Variants in TNPO1 observed in about 807,000 individuals in gnomAD.
The protein encoded by TNPO1 is transportin-1.
In TNPO1, 8 loss-of-function variants were observed where a neutral mutation model predicts 119.5. The ratio of observed to expected loss-of-function variants is 0.07; its 90% confidence interval spans 0.04 to 0.12. TNPO1 has a LOEUF of 0.12. TNPO1 is among the 10% of genes least tolerant of loss of function. The pLI is 1.00. For synonymous variants in TNPO1, 362 were observed against 363.0 expected (o/e 1.00, Z 0.03); for missense variants, 576 against 1,089.8 (o/e 0.53, Z 6.64).
intron 1 of TNPO1, among the ~76,000 whole-genome samples, chr5:72,840,695 T>C (rs1169839907): frequency 1.3e-5 from 2 of 152,070 alleles, no homozygotes; most frequent in African/African-American, 4.8e-5. Context: ...TACCACACTC[T>C]TTTTTTTAAT....
chr5:72,876,771 G>A (rs969993574), intron 8 of TNPO1, among the ~76,000 whole-genome samples: 4 of 152,068 alleles, frequency 2.6e-5, no homozygotes, highest in Non-Finnish European at 5.9e-5. Context: ...AAATTTAACT[G>A]TATTTTATAG....
At chr5:72,865,495 C>A in intron 5 of TNPO1, 101 bp from the exon 6 acceptor site, 1 of 1,305,932 alleles carries the variant, frequency 7.7e-7, no homozygotes, top group Non-Finnish European at 1.1e-6. Context: ...TTTATGTGGG[C>A]TGAGAACATT....
chr5:72,837,795 C>G (rs1037620977), intron 1 of TNPO1, among the ~76,000 whole-genome samples: 1 of 152,124 alleles, frequency 6.6e-6, no homozygotes, highest in African/African-American at 2.4e-5. Flanking sequence ...TCATCAACGC[C>G]ATTTCACAGA....
At chr5:72,859,337 C>A (rs1296847413) in intron 4 of TNPO1, among the ~76,000 whole-genome samples, 1 of 152,186 alleles carries the variant, frequency 6.6e-6, no homozygotes, top group African/African-American at 2.4e-5. Flanking sequence ...CAGCCACATA[C>A]CCTGCTGTAG....
intron 4 of TNPO1, among the ~76,000 whole-genome samples, chr5:72,859,025 T>C (rs1367845023): frequency 5.2e-5 from 3 of 58,106 alleles, no homozygotes; most frequent in South Asian, 4.6e-4. Flanking sequence ...AAAACACTTC[T>C]AGGAACATAT....
chr5:72,842,503 A>G (rs542737456), intron 1 of TNPO1, among the ~76,000 whole-genome samples: 55 of 152,336 alleles, frequency 3.6e-4, no homozygotes, highest in Admixed American at 1.6e-3. Context: ...AGCTATCACT[A>G]TTACTAACAA....
At chr5:72,892,459 C>A (rs1315125374) in intron 15 of TNPO1, among the ~76,000 whole-genome samples, 1 of 152,038 alleles carries the variant, frequency 6.6e-6, no homozygotes, top group Non-Finnish European at 1.5e-5. Flanking sequence ...GTGGATTGTT[C>A]TTAGCCAAAG....
intron 6 of TNPO1, among the ~76,000 whole-genome samples, chr5:72,870,130 G>T (rs1747268310): frequency 7.1e-6 from 1 of 140,788 alleles, no homozygotes; most frequent in African/African-American, 2.6e-5. Context: ...CAATTTAGAA[G>T]AAATAGTCAT....
chr5:72,830,012 G>A (rs1744378145), intron 1 of TNPO1, among the ~76,000 whole-genome samples: 1 of 152,152 alleles, frequency 6.6e-6, no homozygotes, highest in African/African-American at 2.4e-5. Flanking sequence ...GATTGTGAAG[G>A]TAGGAGATTT....
At chr5:72,902,292 T>G (rs1220875232) in intron 22 of TNPO1, among the ~76,000 whole-genome samples, 2 of 152,204 alleles carry the variant, frequency 1.3e-5, no homozygotes, top group Non-Finnish European at 2.9e-5. Flanking sequence ...TAGCTCGTAT[T>G]GTGGTTTTTC....
intron 15 of TNPO1, 37 bp downstream of exon 15, chr5:72,891,933 A>AACT: frequency 6.5e-7 from 1 of 1,529,662 alleles, no homozygotes; most frequent in South Asian, 1.2e-5. Context: ...TGTTGCCAAG[A>AACT]ACACATGTTC....
At chr5:72,850,259 GT>G (rs1322359407) in intron 2 of TNPO1, among the ~76,000 whole-genome samples, 1 of 152,172 alleles carries the variant, frequency 6.6e-6, no homozygotes, top group Non-Finnish European at 1.5e-5. Context: ...TCAGGAAATA[GT>G]TTTGAAAAAT....
At position 72,897,634 on chromosome 5, in the gene TNPO1, A is replaced by AT. The variant is rs3839242; in HGVS notation, c.2338+496dup. 1.8e-3 allele frequency among the ~76,000 whole-genome samples: 249 copies of AT among 140,136 alleles called. 2 individuals carry two copies. Among genetic ancestry groups the AT allele is most frequent in the South Asian group, 0.018 (77 of 4,396 alleles). 91.9% of individuals were successfully genotyped at this position (140,136 alleles called of 152,430 possible). ...TGTTATGGGATTTTTTTTTTAATTT[A>AT]TTTTTTTTTTTTTAGGAAGCTTGTT... On this transcript the variant is annotated intron_variant, in intron 20 of 24. Coordinates refer to ENST00000337273, the MANE Select transcript of TNPO1 (RefSeq NM_002270.4).
At chr5:72,907,931 A>G (rs575378866) in intron 24 of TNPO1, among the ~76,000 whole-genome samples, 30 of 151,892 alleles carry the variant, frequency 2.0e-4, no homozygotes, top group Non-Finnish European at 4.0e-4. Context: ...GTATGTACCT[A>G]TGGTCCCAGC....
Position 72,888,273 on chromosome 5 carries a change from G to A in TNPO1, c.1499G>A (p.Ser500Asn). The A allele has an allele frequency of 1.2e-6, 2 of 1,614,116 alleles. No homozygotes were observed. The highest frequency in any genetic ancestry group is 8.5e-7 in the Non-Finnish European group (1 of 1,180,006). The change falls in exon 13 of 25, where the codon AGC (serine) becomes AAC (asparagine). Residue 500 changes from serine to asparagine, a missense_variant. Physicochemically the swap from Ser to Asn is conservative, Grantham distance 46. Coordinates refer to ENST00000337273, the MANE Select transcript of TNPO1 (RefSeq NM_002270.4). ...MTELLKRILD[S>N]NKRVQEAACS... ...GAATTGCTAAAGCGCATCCTGGACA[G>A]CAACAAGAGAGTACAAGAAGCTGCC...
At position 72,888,262 on chromosome 5, in the gene TNPO1, C is replaced by T. The variant is rs1480292597; in HGVS notation, c.1488C>T (p.Arg496=). 6.2e-7 allele frequency: 1 copy of T among 1,614,156 alleles called. No individual in the cohort carries two copies. Among genetic ancestry groups the T allele is most frequent in the Non-Finnish European group, 8.5e-7 (1 of 1,180,042 alleles). The change falls in exon 13 of 25, where the codon CGC becomes CGT. Residue 496 remains arginine, a synonymous_variant. Coordinates refer to ENST00000337273, the MANE Select transcript of TNPO1 (RefSeq NM_002270.4). ...LKPLMTELLK[R]ILDSNKRVQE... is the part of the protein sequence containing the mutation. ...CATTAATGACAGAATTGCTAAAGCG[C>T]ATCCTGGACAGCAACAAGAGAGTAC...
chr5:72,875,909 G>A (rs1480293017), intron 8 of TNPO1, among the ~76,000 whole-genome samples, 172 bp downstream of exon 8: 1 of 152,196 alleles, frequency 6.6e-6, no homozygotes, highest in Non-Finnish European at 1.5e-5. Context: ...TGTACATACT[G>A]TATAACTTTG....
intron 1 of TNPO1, 55 bp from the exon 2 acceptor site, chr5:72,848,330 G>GA: frequency 6.5e-7 from 1 of 1,542,714 alleles, no homozygotes; most frequent in East Asian, 2.5e-5. Flanking sequence ...CTCTGGGCCT[G>GA]TGCACCGGGA....
intron 24 of TNPO1, among the ~76,000 whole-genome samples, chr5:72,907,454 G>A (rs1233441425): frequency 6.6e-6 from 1 of 152,150 alleles, no homozygotes; most frequent in African/African-American, 2.4e-5. Flanking sequence ...CAGGAGAAAA[G>A]GGATTGCTTA....
Sources: allele counts gnomAD v4.1 joint callset (sites outside exome capture counted in the v4.1 genomes callset), GRCh38; gene constraint gnomAD v4.1.1; transcripts MANE v1.5; gene names NCBI Gene and HGNC (gene_info 2026-07-23, HGNC 2026-07-21).